Variants in C8G observed in about 807,000 individuals in gnomAD.
C8G encodes the protein complement component C8 gamma chain.
C8G carries 38 observed loss-of-function variants against 29.1 expected under a neutral mutation model. The observed-to-expected ratio is 1.31, with a 90% CI of 1.01 to 1.71. C8G has a LOEUF of 1.71. Ranked by LOEUF, C8G falls within the 40% of genes most tolerant of loss-of-function variation. The pLI, the probability that C8G is intolerant of heterozygous loss-of-function variation, is 0.00. For synonymous variants in C8G, 158 were observed against 113.2 expected (o/e 1.40, Z -2.51); for missense variants, 300 against 267.4 (o/e 1.12, Z -0.85).
Position 136,945,396 on chromosome 9 carries a change from C to A in C8G, c.76C>A (p.Pro26Thr). 1 of 1,608,220 alleles carries A rather than the reference C, an allele frequency of 6.2e-7. No individual in the cohort carries two copies. The highest frequency in any genetic ancestry group is 2.2e-5 in the East Asian group (1 of 44,740). The change falls in exon 1 of 7, where the codon CCA (proline) becomes ACA (threonine). Residue 26 changes from proline to threonine, a missense_variant. Coordinates refer to ENST00000371634, the MANE Select transcript of C8G (RefSeq NM_000606.3). ...AGSLGQKPQR[P>T]RRPASPISTI... Reference sequence around the variant, plus strand: ...CTCGCTGGGCCAGAAGCCTCAGAGGCCACGCCGGCCCGCATCCCCCATCAG... The same window carrying A: ...CTCGCTGGGCCAGAAGCCTCAGAGGACACGCCGGCCCGCATCCCCCATCAG...
rs532377363 is a variant in C8G at position 136,945,935 on chromosome 9, G to A, written c.282G>A (p.Gly94=). 6.4e-7 allele frequency: 1 copy of A among 1,563,174 alleles called. No individual in the cohort carries two copies. The highest frequency in any genetic ancestry group is 8.7e-7 in the Non-Finnish European group (1 of 1,154,016). ...MAVSTFRKLD[G]ICWQVRQLYG... is the part of the protein sequence containing the mutation. The stretch of plus-strand genomic sequence containing the variant: ...CTCCTCCCCGCCCCCCCAGGGATGG[G>A]ATCTGCTGGCAGGTGCGCCAGCTCT... The change falls in exon 3 of 7, where the codon GGG becomes GGA. Residue 94 remains glycine (G), a synonymous_variant. Coordinates refer to ENST00000371634, the MANE Select transcript of C8G (RefSeq NM_000606.3).
chr9:136,946,421 C>T (rs555500191), intron 4 of C8G, 44 bp from the exon 5 acceptor site: 36 of 1,533,024 alleles, frequency 2.3e-5, no homozygotes, highest in South Asian at 5.0e-5. Context: ...GAGCCCTCCA[C>T]GCCGCCTGGT....
In C8G at chr9:136,945,457, A is replaced by G. The variant is rs754194146; in HGVS notation, c.137A>G (p.Gln46Arg). ...CCCAAGGCCAATTTTGATGCTCAGC[A>G]GGTAGAAGTTGGGGGGGGTAGAGGG... ...IQPKANFDAQ[Q>R]FAGTWLLVAV... The change falls in exon 1 of 7, where the codon CAG (glutamine) becomes CGG (arginine). Residue 46 changes from glutamine (Q) to arginine (R), a missense_variant and splice_region_variant. Coordinates refer to ENST00000371634, the MANE Select transcript of C8G (RefSeq NM_000606.3). 167 of 1,567,800 alleles carry G rather than the reference A, an allele frequency of 1.1e-4. No homozygotes were observed. The highest frequency in any genetic ancestry group is 1.4e-4 in the Non-Finnish European group (157 of 1,156,162).
At position 136,945,414 on chromosome 9, in the gene C8G, C is replaced by T. The variant is rs774425419; in HGVS notation, c.94C>T (p.Pro32Ser). ...KPQRPRRPAS[P>S]ISTIQPKANF... ...TCAGAGGCCACGCCGGCCCGCATCC[C>T]CCATCAGCACCATCCAGCCCAAGGC... The change falls in exon 1 of 7, where the codon CCC (proline) becomes TCC (serine). Residue 32 changes from proline to serine, a missense_variant. Physicochemically the swap from Pro to Ser is moderately conservative, Grantham distance 74. Transcript: ENST00000371634. The T allele has an allele frequency of 6.3e-6, 10 of 1,596,706 alleles. No individual in the cohort carries two copies. Among genetic ancestry groups the T allele is most frequent in the East Asian group, 2.3e-5 (1 of 44,176 alleles).
Position 136,945,790 on chromosome 9 carries a change from T to G in C8G, c.275+20T>G, listed in dbSNP as rs758883083. 1.1e-5 allele frequency: 17 copies of G among 1,544,814 alleles called. No homozygotes were observed. In the East Asian group the frequency reaches 3.9e-4, roughly 35 times the overall value. Reference sequence around the variant, plus strand: ...AAAGCTGTGAGTCCCAGAGCAGCCCTGCACCCTAACCCCAACCCTCCTCTC... The same window carrying G: ...AAAGCTGTGAGTCCCAGAGCAGCCCGGCACCCTAACCCCAACCCTCCTCTC... On this transcript the variant is annotated intron_variant, in intron 2 of 6. Coordinates refer to ENST00000371634, the MANE Select transcript of C8G (RefSeq NM_000606.3).
At chr9:136,946,241 C>A (rs773945100) in intron 4 of C8G, 49 bp downstream of exon 4, 3 of 1,482,684 alleles carry the variant, frequency 2.0e-6, no homozygotes, top group South Asian at 2.6e-5. Flanking sequence ...AAGCTCTGCA[C>A]ACTCACTGGG....
chr9:136,946,580 G>A lies in C8G; in HGVS notation c.556+14G>A, dbSNP rs1283660335. On this transcript the variant is annotated intron_variant, in intron 5 of 6. Transcript: ENST00000371634. ...TCCCCAAGTACGGTGAGTGTCCCCA[G>A]CAGGTCCCCAGCTCAGCCACCCCCA... The A allele has an allele frequency of 6.2e-7, 1 of 1,612,608 alleles. No individual in the cohort carries two copies. Among genetic ancestry groups the A allele is most frequent in the Non-Finnish European group, 8.5e-7 (1 of 1,179,724 alleles).
rs1237386680 is a variant in C8G, at chr9:136,945,719, T to A, written c.224T>A (p.Leu75Gln). Residue 75 changes from leucine to glutamine, a missense_variant, in exon 2 of 7, where the codon CTG becomes CAG. Leu to Gln is a moderately radical substitution (Grantham distance 113). Transcript: ENST00000371634. ...EQGHRAEATTLHVAPQGTAMA... is the reference protein window; with the variant it reads ...EQGHRAEATTQHVAPQGTAMA... ...GGCCACCGGGCCGAGGCCACCACAC[T>A]GCATGTGGCTCCCCAGGGCACAGCC... 2.5e-6 allele frequency: 4 copies of A among 1,583,128 alleles called. No individual in the cohort carries two copies. The highest frequency in any genetic ancestry group is 2.6e-6 in the Non-Finnish European group (3 of 1,166,854).
At chr9:136,946,038 C>T (rs192847240) in intron 3 of C8G, 39 bp downstream of exon 3, 65 of 1,598,296 alleles carry the variant, frequency 4.1e-5, no homozygotes, top group African/African-American at 3.2e-4. Flanking sequence ...TGGGGGATGA[C>T]GCAGCCACTG....
chr9:136,946,938 G>A lies in C8G; in HGVS notation c.*157G>A. ...TGCCGGCTGCCCCAGAGGACAGTGG[G>A]TGGAGTGGTACCTACTTATTAAATG... On this transcript the variant is annotated 3_prime_UTR_variant, in exon 7 of 7. Coordinates refer to ENST00000371634, the MANE Select transcript of C8G (RefSeq NM_000606.3). 1 of 884,714 alleles carries A rather than the reference G, an allele frequency of 1.1e-6. No homozygotes were observed. Among genetic ancestry groups the A allele is most frequent in the Admixed American group, 2.1e-5 (1 of 48,422 alleles). The allele number at this position is 884,714 out of a possible 1,614,324, so 54.8% of individuals were successfully genotyped here.
At chr9:136,945,520 G>A (rs532413131) in intron 1 of C8G, 62 bp downstream of exon 1, 280 of 1,534,604 alleles carry the variant, frequency 1.8e-4, no homozygotes, top group Non-Finnish European at 2.4e-4. Context: ...GAGGGAGACA[G>A]GTAGAAGTTG....
At position 136,946,742 on chromosome 9, in the gene C8G, C is replaced by T. The variant is rs138666698; in HGVS notation, c.596-26C>T. The T allele has an allele frequency of 4.8e-3, 7,783 of 1,607,970 alleles. 26 individuals are homozygous for T. Among genetic ancestry groups the T allele is most frequent in the Non-Finnish European group, 6.1e-3 (7,212 of 1,179,418 alleles). ...GGCGTGGTGAGGGGGGCCACTGCCA[C>T]CGGCTGAGTCTCGTCTCTGCTGCAG... On this transcript the variant is annotated intron_variant, in intron 6 of 6. Transcript: ENST00000371634.
chr9:136,946,021 A>G (rs1298611412), intron 3 of C8G, 22 bp downstream of exon 3: 1 of 1,594,398 alleles, frequency 6.3e-7, no homozygotes, highest in Non-Finnish European at 8.5e-7. Context: ...GCTGCAGGGC[A>G]TGTGGGTGGG....
Position 136,946,762 on chromosome 9 carries a change from C to CT in C8G, c.596-5dup. 6.2e-7 allele frequency: 1 copy of CT among 1,601,612 alleles called. No homozygotes were observed. The highest frequency in any genetic ancestry group is 8.5e-7 in the Non-Finnish European group (1 of 1,177,156). The stretch of plus-strand genomic sequence containing the variant: ...TGCCACCGGCTGAGTCTCGTCTCTG[C>CT]TGCAGAAGTGAGGAGGTGAGGCCGG... On this transcript the variant is annotated splice_polypyrimidine_tract_variant and splice_region_variant and intron_variant, in intron 6 of 6. Transcript: ENST00000371634.
At position 136,946,894 on chromosome 9, in the gene C8G, C is replaced by A; in HGVS notation, c.*113C>A. 2.2e-6 allele frequency: 3 copies of A among 1,339,370 alleles called. No homozygotes were observed. Among genetic ancestry groups the A allele is most frequent in the Non-Finnish European group, 3.1e-6 (3 of 968,730 alleles). The allele number at this position is 1,339,370 out of a possible 1,614,324, so 83.0% of individuals were successfully genotyped here. On this transcript the variant is annotated 3_prime_UTR_variant, in exon 7 of 7. Coordinates refer to ENST00000371634, the MANE Select transcript of C8G (RefSeq NM_000606.3). Reference sequence around the variant, plus strand: ...CCAGCCTCAGATCAGGGCCCTGCCACCCAGGGCAGGGGATCTTCTGCCGGC... The same window carrying A: ...CCAGCCTCAGATCAGGGCCCTGCCAACCAGGGCAGGGGATCTTCTGCCGGC...
At chr9:136,945,498 G>A in intron 1 of C8G, 40 bp downstream of exon 1, 8 of 1,549,288 alleles carry the variant, frequency 5.2e-6, no homozygotes, top group Non-Finnish European at 7.0e-6. Context: ...GGTAGAAGTT[G>A]TGGGAGGGGT....
chr9:136,945,475 G>GT lies in C8G; in HGVS notation c.138+18dup. 1 of 1,559,942 alleles carries GT rather than the reference G, an allele frequency of 6.4e-7. No individual in the cohort carries two copies. The highest frequency in any genetic ancestry group is 8.7e-7 in the Non-Finnish European group (1 of 1,151,184). On this transcript the variant is annotated intron_variant, in intron 1 of 6. Transcript: ENST00000371634. ...GCTCAGCAGGTAGAAGTTGGGGGGG[G>GT]TAGAGGGAGGCAGGTAGAAGTTGTG...
At position 136,946,649 on chromosome 9, in the gene C8G, A is replaced by G. The variant is rs200109501; in HGVS notation, c.557-2A>G. ...AGCCTGACCCCTGCCTTGGGCCCCC[A>G]GGCTTCTGCGAGGCTGCAGACCAGT... On this transcript the variant is annotated splice_acceptor_variant, in intron 5 of 6. Transcript: ENST00000371634. LOFTEE classifies it high-confidence loss of function. The G allele has an allele frequency of 4.6e-5, 75 of 1,613,110 alleles. No individual in the cohort carries two copies. The East Asian group carries it at 9.1e-4, about 20-fold the overall frequency.
At chr9:136,946,296 C>T in intron 4 of C8G, 104 bp downstream of exon 4, 2 of 1,366,050 alleles carry the variant, frequency 1.5e-6, no homozygotes, top group Non-Finnish European at 2.0e-6. Flanking sequence ...CACTTCCTTT[C>T]TCCCATCCTG....
Sources: allele counts gnomAD v4.1 joint callset, GRCh38; gene constraint gnomAD v4.1.1; transcripts MANE v1.5; gene names NCBI Gene and HGNC (gene_info 2026-07-23, HGNC 2026-07-21).